Variants in EIF4B observed in about 807,000 individuals in gnomAD.
EIF4B encodes the protein eukaryotic translation initiation factor 4B.
A neutral mutation model predicts 79.3 loss-of-function variants in EIF4B; 8 were observed. That is an observed-to-expected ratio of 0.10 (90% CI 0.06 to 0.18). EIF4B has a LOEUF of 0.18. Among genes scored for constraint, EIF4B ranks in the 10% least tolerant of loss-of-function variants. The probability of loss-of-function intolerance (pLI) is 1.00; values close to 1 mark genes in which losing one functional copy is unlikely to be tolerated. For missense variants in EIF4B, 515 were observed against 792.4 expected (o/e 0.65, Z 4.20); for synonymous variants, 238 against 274.7 (o/e 0.87, Z 1.32).
chr12:53,015,149 A>G (rs1030283253), intron 1 of EIF4B, among the ~76,000 whole-genome samples: 1 of 152,260 alleles, frequency 6.6e-6, no homozygotes, highest in African/African-American at 2.4e-5. Flanking sequence ...TCTAGGGAAT[A>G]TGACTGTTAA....
chr12:53,036,317 T>G (rs1227649088), intron 10 of EIF4B, among the ~76,000 whole-genome samples: 1 of 152,154 alleles, frequency 6.6e-6, no homozygotes. Flanking sequence ...TTTCACCATG[T>G]TGGCCAGGAT....
intron 10 of EIF4B, among the ~76,000 whole-genome samples, chr12:53,035,415 C>T (rs1943524299): frequency 6.6e-6 from 1 of 151,452 alleles, no homozygotes; most frequent in African/African-American, 2.4e-5. Flanking sequence ...GTCGCCCAGG[C>T]TGGAGTGCAG....
chr12:53,009,241 G>A (rs1943021878), intron 1 of EIF4B, among the ~76,000 whole-genome samples: 1 of 151,878 alleles, frequency 6.6e-6, no homozygotes, highest in African/African-American at 2.4e-5. Flanking sequence ...CTTTCAAATT[G>A]GGCAGGGTGC....
intron 8 of EIF4B, among the ~76,000 whole-genome samples, chr12:53,033,311 G>A (rs375013374): frequency 5.3e-5 from 8 of 149,616 alleles, no homozygotes; most frequent in Admixed American, 2.7e-4. Context: ...GAGCCACCAC[G>A]CCCAGCCTGA....
chr12:53,033,483 C>T (rs998553365), intron 8 of EIF4B, among the ~76,000 whole-genome samples: 1 of 151,968 alleles, frequency 6.6e-6, no homozygotes, highest in African/African-American at 2.4e-5. Flanking sequence ...GCTGGGACTA[C>T]AGGTGCGCGC....
rs138810916 is a variant in EIF4B, at chr12:53,037,924, C to G, written c.1520+302C>G. 310 of 381,380 alleles carry G rather than the reference C, an allele frequency of 8.1e-4. 1 individual carries two copies. Among genetic ancestry groups the G allele is most frequent in the African/African-American group, 6.0e-3 (288 of 48,138 alleles). The allele number at this position is 381,380 out of a possible 1,614,324, so 23.6% of individuals were successfully genotyped here. A position where few individuals can be genotyped will look rare whatever the true frequency, so the allele number is the denominator to read the frequency against. On this transcript the variant is annotated intron_variant, in intron 11 of 14. Transcript: ENST00000262056. ...TTGGCAGTATGGTAGGGGGTAACTT[C>G]CTTTCATTTCTCTTAAGTCTTCTCA...
At chr12:53,020,738 C>T (rs961022745) in intron 4 of EIF4B, among the ~76,000 whole-genome samples, 9 of 152,104 alleles carry the variant, frequency 5.9e-5, no homozygotes, top group South Asian at 2.1e-4. Context: ...AGTTTTGCTG[C>T]CTCATAATTG....
At position 53,006,466 on chromosome 12, in the gene EIF4B, C is replaced by T; in HGVS notation, c.-18C>T. The T allele has an allele frequency of 6.8e-6, 11 of 1,613,366 alleles. No individual in the cohort carries two copies. The highest frequency in any genetic ancestry group is 9.3e-6 in the Non-Finnish European group (11 of 1,180,026). On this transcript the variant is annotated 5_prime_UTR_variant, in exon 1 of 15. Transcript: ENST00000262056. ...TTGCCTCATCCGGGTCTTTTGCGTTCTCTTTCCCTCTCCCAACATGGCGGC... is the reference window on the plus strand; with the variant it reads ...TTGCCTCATCCGGGTCTTTTGCGTTTTCTTTCCCTCTCCCAACATGGCGGC...
intron 4 of EIF4B, among the ~76,000 whole-genome samples, chr12:53,021,341 C>T (rs1943244445): frequency 6.6e-6 from 1 of 152,142 alleles, no homozygotes; most frequent in African/African-American, 2.4e-5. Flanking sequence ...CTATATTGCC[C>T]AGGCTGGATT....
chr12:53,039,200 T>C (rs770824012), intron 12 of EIF4B, 38 bp from the exon 13 acceptor site: 5 of 1,435,664 alleles, frequency 3.5e-6, no homozygotes, highest in South Asian at 2.4e-5. Context: ...TTGATACTTT[T>C]ACTTGCCTTT....
intron 6 of EIF4B, among the ~76,000 whole-genome samples, chr12:53,027,100 G>A (rs1943346609): frequency 7.4e-6 from 1 of 134,624 alleles, no homozygotes; most frequent in Non-Finnish European, 1.6e-5. Flanking sequence ...GACCAGCCTG[G>A]GCAGCAGAGA....
chr12:53,033,740 A>G (rs1943488704), intron 8 of EIF4B, 66 bp from the exon 9 acceptor site: 2 of 1,488,178 alleles, frequency 1.3e-6, no homozygotes, highest in Non-Finnish European at 1.8e-6. Context: ...TATCTGAGAA[A>G]TCTGGCTTTC....
chr12:53,022,389 G>T, intron 5 of EIF4B, 104 bp from the exon 6 acceptor site: 2 of 1,517,322 alleles, frequency 1.3e-6, no homozygotes, highest in South Asian at 1.1e-5. Context: ...ACAGTGTGAC[G>T]TGAAAGTGAA....
chr12:53,010,116 C>T (rs957808938), intron 1 of EIF4B, among the ~76,000 whole-genome samples: 8 of 152,130 alleles, frequency 5.3e-5, no homozygotes, highest in Non-Finnish European at 1.2e-4. Context: ...TAATGGTTAG[C>T]ATGGCATGCA....
intron 8 of EIF4B, among the ~76,000 whole-genome samples, chr12:53,030,413 C>CTTTTTTTTTTTTTGTTTTTTTTTTTTTTT (rs1943416222): frequency 4.6e-5 from 2 of 43,066 alleles, no homozygotes; most frequent in Non-Finnish European, 1.2e-4. Context: ...AAATTATATT[C>CTTTTTTTTTTTTTGTTTTTTTTTTTTTTT]TTTTTTTTTT....
At chr12:53,036,829 C>CA (rs1943548966) in intron 10 of EIF4B, among the ~76,000 whole-genome samples, 1 of 152,162 alleles carries the variant, frequency 6.6e-6, no homozygotes, top group African/African-American at 2.4e-5. Flanking sequence ...GCTGGGACTG[C>CA]AGGCACATGC....
At chr12:53,026,781 T>G (rs1250193491) in intron 6 of EIF4B, among the ~76,000 whole-genome samples, 2 of 152,020 alleles carry the variant, frequency 1.3e-5, no homozygotes, top group African/African-American at 2.4e-5. Flanking sequence ...TTTTGTATAT[T>G]TGATAGAGTT....
intron 2 of EIF4B, among the ~76,000 whole-genome samples, chr12:53,018,485 G>A (rs1310467015): frequency 1.3e-5 from 2 of 152,030 alleles, no homozygotes; most frequent in African/African-American, 4.8e-5. Context: ...GTAGAATGGG[G>A]GACAACCTCA....
chr12:53,010,151 T>C (rs150824689), intron 1 of EIF4B, among the ~76,000 whole-genome samples: 143 of 152,340 alleles, frequency 9.4e-4, no homozygotes, highest in African/African-American at 3.3e-3. Flanking sequence ...TGTTTGATTA[T>C]GTATATGATC....
Sources: gnomAD v4.1 joint callset for allele counts (sites outside exome capture counted in the v4.1 genomes callset) on GRCh38, gnomAD v4.1.1 for gene constraint, MANE v1.5 for transcripts, NCBI Gene and HGNC (gene_info 2026-07-23, HGNC 2026-07-21) for gene names.